MAP2: variants seen among roughly 807,000 people sequenced by gnomAD.
The protein encoded by MAP2 is microtubule associated protein 2.
Under a neutral mutation model 137.6 loss-of-function variants are expected in MAP2, and 14 were observed. That is an observed-to-expected ratio of 0.10 (90% CI 0.07 to 0.16). The LOEUF (loss-of-function observed/expected upper bound fraction) is 0.16. Among genes scored for constraint, MAP2 ranks in the 10% least tolerant of loss-of-function variants. The pLI, the probability that MAP2 is intolerant of heterozygous loss-of-function variation, is 1.00. For synonymous variants in MAP2, 786 were observed against 782.3 expected (o/e 1.00, Z -0.08); for missense variants, 2,088 against 2,191.5 (o/e 0.95, Z 0.94).
intron 1 of MAP2, among the ~76,000 whole-genome samples, chr2:209,463,705 CTGAGT>C (rs1270321650): frequency 2.0e-5 from 3 of 152,096 alleles, no homozygotes; most frequent in African/African-American, 7.2e-5. Context: ...AGGGTAAAAC[CTGAGT>C]TATAACATTT....
chr2:209,711,674 T>C (rs1162890546), intron 13 of MAP2, among the ~76,000 whole-genome samples: 2 of 152,168 alleles, frequency 1.3e-5, no homozygotes, highest in Admixed American at 6.5e-5. Flanking sequence ...GAAGGAAATA[T>C]TTTGAGCTTT....
intron 2 of MAP2, among the ~76,000 whole-genome samples, chr2:209,566,979 C>T (rs1229526316): frequency 6.6e-6 from 1 of 152,164 alleles, no homozygotes; most frequent in Non-Finnish European, 1.5e-5. Flanking sequence ...GAGGCATCAC[C>T]TGCTTTTTTC....
chr2:209,645,226 G>C (rs1265978740), intron 4 of MAP2, among the ~76,000 whole-genome samples: 1 of 152,160 alleles, frequency 6.6e-6, no homozygotes, highest in African/African-American at 2.4e-5. Flanking sequence ...AATAGATGGA[G>C]GTCCAGGTGA....
chr2:209,596,456 C>G (rs1379290946), intron 3 of MAP2, among the ~76,000 whole-genome samples: 2 of 152,150 alleles, frequency 1.3e-5, no homozygotes, highest in African/African-American at 4.8e-5. Flanking sequence ...TGACTATTTG[C>G]AGAGGATAAG....
intron 4 of MAP2, among the ~76,000 whole-genome samples, chr2:209,638,317 A>G (rs1479093804): frequency 1.3e-5 from 2 of 152,104 alleles, no homozygotes; most frequent in African/African-American, 4.8e-5. Flanking sequence ...TTGGGTTGCA[A>G]GGGAATTTCA....
At chr2:209,644,947 C>CA (rs1252393851) in intron 4 of MAP2, among the ~76,000 whole-genome samples, 1 of 152,138 alleles carries the variant, frequency 6.6e-6, no homozygotes, top group Non-Finnish European at 1.5e-5. Context: ...ATCAATAGCT[C>CA]AGACTGATGG....
chr2:209,526,816 GAA>G (rs201300261), intron 2 of MAP2, among the ~76,000 whole-genome samples: 3,992 of 151,908 alleles, frequency 0.026, 60 homozygotes, highest in Non-Finnish European at 0.033. Context: ...TCATGTGTTA[GAA>G]AAGTTTCATT....
chr2:209,679,416 G>GATAA (rs1188005117), intron 6 of MAP2, among the ~76,000 whole-genome samples: 1 of 151,554 alleles, frequency 6.6e-6, no homozygotes, highest in Non-Finnish European at 1.5e-5. Context: ...TAGATAGATA[G>GATAA]AGAGATGGAT....
chr2:209,494,459 C>A (rs2059507235), intron 1 of MAP2, among the ~76,000 whole-genome samples: 1 of 150,592 alleles, frequency 6.6e-6, no homozygotes, highest in Non-Finnish European at 1.5e-5. Flanking sequence ...CAGCTAAATC[C>A]CACTGAAACC....
chr2:209,513,653 A>G (rs1428118114), intron 2 of MAP2, among the ~76,000 whole-genome samples: 1 of 152,064 alleles, frequency 6.6e-6, no homozygotes, highest in Non-Finnish European at 1.5e-5. Flanking sequence ...AAAAAACACC[A>G]CAGATCCAAT....
intron 1 of MAP2, among the ~76,000 whole-genome samples, chr2:209,489,265 A>T (rs1240104593): frequency 1.3e-5 from 2 of 152,204 alleles, no homozygotes. Flanking sequence ...AAGGACAACC[A>T]AGCAAAAACT....
intron 1 of MAP2, among the ~76,000 whole-genome samples, chr2:209,470,685 G>A (rs955243566): frequency 2.0e-5 from 3 of 152,112 alleles, no homozygotes; most frequent in Admixed American, 2.0e-4. Context: ...TAGCTCCCAT[G>A]CACCATGTAC....
At chr2:209,722,516 GT>G (rs536503325) in intron 13 of MAP2, among the ~76,000 whole-genome samples, 1 of 150,508 alleles carries the variant, frequency 6.6e-6, no homozygotes, top group Non-Finnish European at 1.5e-5. Context: ...TGAAAATGTT[GT>G]TTTTTTTTCT....
intron 13 of MAP2, chr2:209,710,612 C>G (rs2065112773): frequency 1.1e-5 from 2 of 181,134 alleles, no homozygotes. Context: ...TGACCATGAG[C>G]TCATTTGGCT....
chr2:209,697,211 C>T (rs1277248270), intron 10 of MAP2, among the ~76,000 whole-genome samples, 160 bp downstream of exon 10: 2 of 142,976 alleles, frequency 1.4e-5, no homozygotes, highest in African/African-American at 5.7e-5. Context: ...ATTCTTTTTT[C>T]CCCCCTCCTT....
At chr2:209,425,973 C>T (rs1692455728) in intron 1 of MAP2, among the ~76,000 whole-genome samples, 3 of 152,160 alleles carry the variant, frequency 2.0e-5, no homozygotes. Context: ...CAGCCCCATG[C>T]ACACAAAGAA....
chr2:209,602,064 CTGT>C (rs1443376809), intron 3 of MAP2, among the ~76,000 whole-genome samples: 1 of 152,112 alleles, frequency 6.6e-6, no homozygotes, highest in South Asian at 2.1e-4. Context: ...CAAGCAAATA[CTGT>C]TGTTGTTGTT....
At chr2:209,651,652 AT>A (rs1559485178) in intron 4 of MAP2, among the ~76,000 whole-genome samples, 1 of 152,184 alleles carries the variant, frequency 6.6e-6, no homozygotes, top group African/African-American at 2.4e-5. Context: ...AAGCCCTTCA[AT>A]CAATGTTTTA....
At chr2:209,443,854 A>G (rs1698411212) in intron 1 of MAP2, among the ~76,000 whole-genome samples, 1 of 151,592 alleles carries the variant, frequency 6.6e-6, no homozygotes, top group South Asian at 2.1e-4. Context: ...ACAGCTGCTC[A>G]TAGGAAAGAG....
Sources: allele counts gnomAD v4.1 joint callset (sites outside exome capture counted in the v4.1 genomes callset), GRCh38; gene constraint gnomAD v4.1.1; transcripts MANE v1.5; gene names NCBI Gene and HGNC (gene_info 2026-07-23, HGNC 2026-07-21).